The following CD72 variants were observed in gnomAD, a reference collection of about 807,000 sequenced individuals.
The protein encoded by CD72 is B-cell differentiation antigen CD72.
In CD72, 28 loss-of-function variants were observed where a neutral mutation model predicts 50.7. That is an observed-to-expected ratio of 0.55 (90% confidence interval 0.41 to 0.76). The LOEUF (loss-of-function observed/expected upper bound fraction) is 0.76. CD72 is among the 30% of genes least tolerant of loss of function. The probability of loss-of-function intolerance (pLI) is 0.00; values close to 1 mark genes in which losing one functional copy is unlikely to be tolerated. For missense variants in CD72, 403 were observed against 420.6 expected (o/e 0.96, Z 0.37); for synonymous variants, 176 against 171.2 (o/e 1.03, Z -0.22).
intron 3 of CD72, 155 bp downstream of exon 3, chr9:35,617,021 G>T (rs1823074823): frequency 1.4e-6 from 2 of 1,461,840 alleles, no homozygotes; most frequent in Non-Finnish European, 1.8e-6. Context: ...AGGCGCACCG[G>T]ATGAAGGTGA....
At chr9:35,613,447 C>G (rs943748882) in intron 5 of CD72, among the ~76,000 whole-genome samples, 2 of 152,136 alleles carry the variant, frequency 1.3e-5, no homozygotes, top group African/African-American at 2.4e-5. Context: ...TCCCTCCTCT[C>G]CACCTCAAAA....
At position 35,611,556 on chromosome 9, in the gene CD72, G is replaced by A. The variant is rs868525617; in HGVS notation, c.950+248C>T. 9.2e-5 allele frequency among the ~76,000 whole-genome samples: 14 copies of A among 152,288 alleles called. 1 individual carries two copies. The highest frequency in any genetic ancestry group is 4.1e-4 in the South Asian group (2 of 4,828). On this transcript the variant is annotated intron_variant, in intron 7 of 8. Coordinates refer to ENST00000259633, the MANE Select transcript of CD72 (RefSeq NM_001782.3). Reference sequence around the variant, plus strand: ...TTAATGTCTCCCCCTAAAAGATAGCGTAGGTCCCAACCTAGTAGTTACTGA... The same window carrying A: ...TTAATGTCTCCCCCTAAAAGATAGCATAGGTCCCAACCTAGTAGTTACTGA...
chr9:35,626,196 A>C (rs1823196322), intron 1 of CD72, among the ~76,000 whole-genome samples: 1 of 151,490 alleles, frequency 6.6e-6, no homozygotes, highest in Non-Finnish European at 1.5e-5. Context: ...ATCAACATTA[A>C]CAGGAGTTTG....
Position 35,610,126 on chromosome 9 carries a change from C to T in CD72, c.*197G>A. 4.5e-6 allele frequency: 1 copy of T among 223,236 alleles called. No homozygotes were observed. Among genetic ancestry groups the T allele is most frequent in the Non-Finnish European group, 8.7e-6 (1 of 114,332 alleles). 13.8% of individuals were successfully genotyped at this position (223,236 alleles called of 1,614,324 possible). ...AAGTCCCTTCTAGAGGTGGCTTCACCCTTTTCCCAGGAACAGTCCAGTTTC... is the reference window on the plus strand; with the variant it reads ...AAGTCCCTTCTAGAGGTGGCTTCACTCTTTTCCCAGGAACAGTCCAGTTTC... On this transcript the variant is annotated 3_prime_UTR_variant, in exon 9 of 9. Transcript: ENST00000259633.
At chr9:35,645,326 G>A (rs1246080491) in intron 1 of CD72, among the ~76,000 whole-genome samples, 3 of 152,126 alleles carry the variant, frequency 2.0e-5, no homozygotes, top group Non-Finnish European at 4.4e-5. Flanking sequence ...TGGGCCAGGC[G>A]CTGTGGCTCA....
intron 5 of CD72, among the ~76,000 whole-genome samples, chr9:35,614,086 A>G (rs1002916597): frequency 1.4e-4 from 22 of 152,118 alleles, no homozygotes; most frequent in African/African-American, 4.8e-4. Flanking sequence ...GCACACTGAA[A>G]GGTAGGCAGG....
chr9:35,627,425 C>T (rs756833907), intron 1 of CD72, among the ~76,000 whole-genome samples: 3 of 150,882 alleles, frequency 2.0e-5, no homozygotes, highest in Non-Finnish European at 3.0e-5. Flanking sequence ...CCACTGCGCC[C>T]GGCTAAACAT....
intron 7 of CD72, among the ~76,000 whole-genome samples, chr9:35,611,375 T>C (rs1822981775): frequency 6.6e-6 from 1 of 152,186 alleles, no homozygotes; most frequent in African/African-American, 2.4e-5. Flanking sequence ...GAAGTGGAGC[T>C]TCGATGGTAC....
chr9:35,617,015 G>A lies in CD72; in HGVS notation c.262+161C>T, dbSNP rs1160353804. 5 of 1,453,358 alleles carry A rather than the reference G, an allele frequency of 3.4e-6. No individual in the cohort carries two copies. The African/African-American group carries it at 7.1e-5, about 21-fold the overall frequency. 90.0% of individuals were successfully genotyped at this position (1,453,358 alleles called of 1,614,324 possible). ...GGGGCGGTGCACGTCGGATTCAGGC[G>A]CACCGGATGAAGGTGAATGTGGCAC... On this transcript the variant is annotated intron_variant, in intron 3 of 8. Transcript: ENST00000259633.
At chr9:35,622,478 C>T (rs1238793165), upstream of CD72, among the ~76,000 whole-genome samples, 3 of 152,104 alleles carry the variant, frequency 2.0e-5, no homozygotes, top group Admixed American at 6.6e-5. Flanking sequence ...TGGCTCCAAA[C>T]CACAGAATGA....
intron 1 of CD72, among the ~76,000 whole-genome samples, chr9:35,638,132 G>A (rs897755843): frequency 3.3e-5 from 5 of 152,094 alleles, no homozygotes; most frequent in African/African-American, 4.8e-5. Flanking sequence ...GCAAATGGTC[G>A]GAGGTGCCGT....
intron 4 of CD72, 82 bp from the exon 5 acceptor site, chr9:35,616,360 G>T: frequency 1.7e-6 from 2 of 1,147,320 alleles, no homozygotes; most frequent in East Asian, 2.5e-5. Flanking sequence ...CCCTTTTTCT[G>T]CTTCTTGCAA....
chr9:35,616,334 GAGACTGC>G, intron 4 of CD72, 56 bp from the exon 5 acceptor site: 1 of 1,375,348 alleles, frequency 7.3e-7, no homozygotes, highest in East Asian at 2.4e-5. Flanking sequence ...CTAGTGCCCT[GAGACTGC>G]AGCATCAGCC....
chr9:35,635,368 A>G (rs1823280494), intron 1 of CD72, among the ~76,000 whole-genome samples: 1 of 152,114 alleles, frequency 6.6e-6, no homozygotes, highest in Admixed American at 6.5e-5. Flanking sequence ...TCTACCTTCT[A>G]CCACATATTT....
At chr9:35,628,660 C>G (rs1270878049) in intron 1 of CD72, among the ~76,000 whole-genome samples, 1 of 152,210 alleles carries the variant, frequency 6.6e-6, no homozygotes, top group Non-Finnish European at 1.5e-5. Context: ...GGTAGGTGAG[C>G]AGAGCAGAGG....
chr9:35,617,506 C>T (rs1013690315), intron 2 of CD72, among the ~76,000 whole-genome samples: 1 of 152,068 alleles, frequency 6.6e-6, no homozygotes, highest in African/African-American at 2.4e-5. Flanking sequence ...TCCTCAGAGG[C>T]CCCTTATCTG....
chr9:35,641,196 C>G (rs1389940105), intron 1 of CD72, among the ~76,000 whole-genome samples: 1 of 151,990 alleles, frequency 6.6e-6, no homozygotes. Context: ...GGGGGGGGTG[C>G]CTTCGATGTC....
upstream of CD72, among the ~76,000 whole-genome samples, chr9:35,622,786 C>CAA (rs898134466): frequency 0.031 from 4,621 of 147,822 alleles, 80 homozygotes; most frequent in Non-Finnish European, 0.038. Flanking sequence ...GACTCTGTCT[C>CAA]AAAAAAAATA....
intron 3 of CD72, 98 bp downstream of exon 3, chr9:35,617,078 T>A: frequency 1.3e-6 from 2 of 1,514,752 alleles, no homozygotes; most frequent in East Asian, 2.5e-5. Context: ...CCCGGGTTTA[T>A]CCCGGAAGGA....
Sources: gnomAD v4.1 joint callset for allele counts (sites outside exome capture counted in the v4.1 genomes callset) on GRCh38, gnomAD v4.1.1 for gene constraint, MANE v1.5 for transcripts, NCBI Gene and HGNC (gene_info 2026-07-23, HGNC 2026-07-21) for gene names.